Variants in PLIN2 observed in about 807,000 individuals in gnomAD.
PLIN2 encodes the protein perilipin-2.
PLIN2 carries 33 observed loss-of-function variants against 30.6 expected under a neutral mutation model. The observed-to-expected ratio is 1.08, with a 90% CI of 0.82 to 1.44. The LOEUF (loss-of-function observed/expected upper bound fraction) is 1.44. Ranked by LOEUF, PLIN2 falls within the 40% of genes most tolerant of loss-of-function variation. PLIN2 has a pLI of 0.00. For missense variants in PLIN2, 610 were observed against 531.8 expected (o/e 1.15, Z -1.45); for synonymous variants, 205 against 201.1 (o/e 1.02, Z -0.16).
chr9:19,119,004 T>C (rs573508529), intron 6 of PLIN2, among the ~76,000 whole-genome samples: 4 of 152,308 alleles, frequency 2.6e-5, no homozygotes, highest in African/African-American at 9.6e-5. Context: ...GCAACTAAAA[T>C]TTAATGTGTA....
In PLIN2 at chr9:19,121,871, C is replaced by T. The variant is rs998579047; in HGVS notation, c.310-706G>A. Among the ~76,000 whole-genome samples, 3 of 152,222 alleles carry T rather than the reference C, an allele frequency of 2.0e-5. 1 individual carries two copies. The South Asian group carries it at 6.2e-4, about 32-fold the overall frequency. On this transcript the variant is annotated intron_variant, in intron 4 of 7. Coordinates refer to ENST00000276914, the MANE Select transcript of PLIN2 (RefSeq NM_001122.4). Reference sequence around the variant, plus strand: ...ACTTGAACCCCAGAGGTGGAGGTTGCAGTGAGCCAAAATTGCACCATTACA... The same window carrying T: ...ACTTGAACCCCAGAGGTGGAGGTTGTAGTGAGCCAAAATTGCACCATTACA...
chr9:19,116,087 C>G lies in PLIN2; in HGVS notation c.*161G>C. 1.7e-6 allele frequency: 1 copy of G among 589,338 alleles called. No individual in the cohort carries two copies. Among genetic ancestry groups the G allele is most frequent in the Non-Finnish European group, 2.8e-6 (1 of 355,208 alleles). 36.5% of individuals were successfully genotyped at this position (589,338 alleles called of 1,614,324 possible). On this transcript the variant is annotated 3_prime_UTR_variant, in exon 8 of 8. Transcript: ENST00000276914. ...GTGAACAGAAATCATCTGCTAATGC[C>G]AGAAACTTTAAAGCTCTTAATTCAG...
At chr9:19,118,558 T>A (rs1818266781) in intron 6 of PLIN2, 103 bp from the exon 7 acceptor site, 15 of 1,007,996 alleles carry the variant, frequency 1.5e-5, no homozygotes, top group Non-Finnish European at 2.2e-5. Flanking sequence ...AACTAAGAAT[T>A]TCCTGGAGTT....
In PLIN2 at chr9:19,118,543, A is replaced by G. The variant is rs1190223270; in HGVS notation, c.778-88T>C. 2.5e-6 allele frequency: 3 copies of G among 1,199,138 alleles called. No homozygotes were observed. In the East Asian group the frequency reaches 7.4e-5, roughly 30 times the overall value. 74.3% of individuals were successfully genotyped at this position (1,199,138 alleles called of 1,614,324 possible). ...AGATGTATGATGTAAATCAGGCAAC[A>G]TAAAAACTAAGAATTTCCTGGAGTT... On this transcript the variant is annotated intron_variant, in intron 6 of 7. Transcript: ENST00000276914.
chr9:19,111,438 T>TAAG (rs2131172420), downstream of PLIN2, among the ~76,000 whole-genome samples: 1 of 152,218 alleles, frequency 6.6e-6, no homozygotes, highest in Admixed American at 6.5e-5. Context: ...CACCACCAAT[T>TAAG]AAGAGTATAA....
At chr9:19,119,973 C>T (rs1211765025) in intron 5 of PLIN2, 142 bp from the exon 6 acceptor site, 11 of 576,200 alleles carry the variant, frequency 1.9e-5, no homozygotes, top group Admixed American at 3.1e-5. Context: ...AGACTGCTCA[C>T]GTCTGCTGCT....
At chr9:19,111,893 C>A (rs1173417536), downstream of PLIN2, among the ~76,000 whole-genome samples, 1 of 152,064 alleles carries the variant, frequency 6.6e-6, no homozygotes, top group Non-Finnish European at 1.5e-5. Flanking sequence ...TACCACTAGG[C>A]CCAGTTTCAT....
intron 4 of PLIN2, 75 bp from the exon 5 acceptor site, chr9:19,121,240 G>A (rs1481871860): frequency 3.0e-6 from 4 of 1,318,868 alleles, no homozygotes; most frequent in African/African-American, 1.4e-5. Flanking sequence ...CTTAACTAAG[G>A]CAGCACAGCT....
chr9:19,123,219 G>A lies in PLIN2; in HGVS notation c.309+346C>T. The A allele has an allele frequency of 3.8e-6, 3 of 798,466 alleles. No homozygotes were observed. The South Asian group carries it at 5.5e-5, about 15-fold the overall frequency. The allele number at this position is 798,466 out of a possible 1,614,324, so 49.5% of individuals were successfully genotyped here. Reference sequence around the variant, plus strand: ...GGTAGTTCCTGGCAGCATTGTACAAGCCAGGTGAGAAAAGGTTATATATAT... The same window carrying A: ...GGTAGTTCCTGGCAGCATTGTACAAACCAGGTGAGAAAAGGTTATATATAT... On this transcript the variant is annotated intron_variant, in intron 4 of 7. Transcript: ENST00000276914.
chr9:19,113,761 G>GT (rs1329316712), downstream of PLIN2, among the ~76,000 whole-genome samples: 9 of 143,868 alleles, frequency 6.3e-5, no homozygotes, highest in South Asian at 4.4e-4. Flanking sequence ...GTTTTTTGTT[G>GT]TTGTTATTTT....
At chr9:19,113,174 C>G (rs1449535098), downstream of PLIN2, among the ~76,000 whole-genome samples, 2 of 151,896 alleles carry the variant, frequency 1.3e-5, no homozygotes, top group Admixed American at 1.3e-4. Context: ...GAAACCCCAT[C>G]TCTACTAAAA....
Position 19,116,383 on chromosome 9 carries a change from A to G in PLIN2, c.1179T>C (p.Val393=), listed in dbSNP as rs1401773619. The change falls in exon 8 of 8, where the codon GTT becomes GTC. Residue 393 remains valine, a synonymous_variant. Transcript: ENST00000276914. ...CCAGCCAGTTGAGGGGCGTGTTGTT[A>G]ACAAGATAATCCATCACGTCATCTA... The part of the protein sequence containing the change: ...ESLDDVMDYL[V]NNTPLNWLVG... The G allele has an allele frequency of 6.2e-7, 1 of 1,614,234 alleles. No homozygotes were observed. Among genetic ancestry groups the G allele is most frequent in the African/African-American group, 1.3e-5 (1 of 75,064 alleles).
chr9:19,116,713 C>A, intron 7 of PLIN2, 64 bp from the exon 8 acceptor site: 1 of 1,414,616 alleles, frequency 7.1e-7, no homozygotes, highest in Non-Finnish European at 9.8e-7. Context: ...AGTTCGATGA[C>A]AGTAGGCTGG....
intron 2 of PLIN2, among the ~76,000 whole-genome samples, chr9:19,109,197 A>G (rs752473214): frequency 6.6e-6 from 1 of 152,150 alleles, no homozygotes; most frequent in African/African-American, 2.4e-5. Flanking sequence ...AACTCTATCA[A>G]ATTTTATTTT....
At chr9:19,115,168 G>T (rs887966663), downstream of PLIN2, among the ~76,000 whole-genome samples, 1 of 152,136 alleles carries the variant, frequency 6.6e-6, no homozygotes, top group Non-Finnish European at 1.5e-5. Flanking sequence ...CACTCACAGG[G>T]GTCCAGTAAG....
chr9:19,123,584 A>G lies in PLIN2; in HGVS notation c.290T>C (p.Leu97Pro). 1 of 1,614,252 alleles carries G rather than the reference A, an allele frequency of 6.2e-7. No homozygotes were observed. The highest frequency in any genetic ancestry group is 8.5e-7 in the Non-Finnish European group (1 of 1,180,042). ...GCTCACCTGAGTTGATGGCTGATTC[A>G]GAATAGGCAGTCTCTCCTCAATCCT... Reference protein sequence around the residue: ...LDRIEERLPILNQPSTQIVAN... With the variant: ...LDRIEERLPIPNQPSTQIVAN... Residue 97 changes from leucine to proline, a missense_variant, in exon 4 of 8, where the codon CTG (leucine) becomes CCG (proline). Leu to Pro is a moderately conservative substitution (Grantham distance 98, BLOSUM62 -3). Coordinates refer to ENST00000276914, the MANE Select transcript of PLIN2 (RefSeq NM_001122.4).
At position 19,122,515 on chromosome 9, in the gene PLIN2, A is replaced by T. The variant is rs575234535; in HGVS notation, c.309+1050T>A. On this transcript the variant is annotated intron_variant, in intron 4 of 7. Coordinates refer to ENST00000276914, the MANE Select transcript of PLIN2 (RefSeq NM_001122.4). ...ATATAGCCTAGGTATATAGCAGGCTATACACCATATAGCCTAGGTATATAG... is the reference window on the plus strand; with the variant it reads ...ATATAGCCTAGGTATATAGCAGGCTTTACACCATATAGCCTAGGTATATAG... Among the ~76,000 whole-genome samples the T allele has an allele frequency of 3.6e-4, 52 of 143,938 alleles. 4 individuals are homozygous for T. In the South Asian group the frequency reaches 0.011, roughly 31 times the overall value. The allele number at this position is 143,938 out of a possible 152,430, so 94.4% of individuals were successfully genotyped here.
At chr9:19,123,366 T>C (rs1378751232) in intron 4 of PLIN2, 199 bp downstream of exon 4, 9 of 1,550,794 alleles carry the variant, frequency 5.8e-6, no homozygotes, top group Middle Eastern at 1.7e-4. Flanking sequence ...CAAAGGAGGC[T>C]AGTTCTTCTC....
chr9:19,123,339 C>A (rs1818347151), intron 4 of PLIN2: 2 of 1,548,892 alleles, frequency 1.3e-6, no homozygotes, highest in Non-Finnish European at 1.7e-6. Context: ...AGACAACACA[C>A]TAAAAGTTTT....
Sources: gnomAD v4.1 joint callset for allele counts (sites outside exome capture counted in the v4.1 genomes callset) on GRCh38, gnomAD v4.1.1 for gene constraint, MANE v1.5 for transcripts, NCBI Gene and HGNC (gene_info 2026-07-23, HGNC 2026-07-21) for gene names.